TENM2: variants seen among roughly 807,000 people sequenced by gnomAD.
TENM2 encodes teneurin-2.
A neutral mutation model predicts 245.2 loss-of-function variants in TENM2; 52 were observed. That is an observed-to-expected ratio of 0.21 (90% CI 0.17 to 0.27). The LOEUF is 0.27. Among genes scored for constraint, TENM2 ranks in the 10% least tolerant of loss-of-function variants. The pLI, the probability that TENM2 is intolerant of heterozygous loss-of-function variation, is 1.00. For synonymous variants in TENM2, 1,363 were observed against 1,438.9 expected (o/e 0.95, Z 1.19); for missense variants, 3,046 against 3,666.8 (o/e 0.83, Z 4.37).
intron 2 of TENM2, among the ~76,000 whole-genome samples, chr5:167,620,903 A>T (rs1778123466): frequency 6.6e-6 from 1 of 152,170 alleles, no homozygotes; most frequent in African/African-American, 2.4e-5. Flanking sequence ...GTTTCAATTT[A>T]CAACCAGCTC....
At chr5:167,405,023 A>G (rs1762555144) in intron 2 of TENM2, among the ~76,000 whole-genome samples, 1 of 152,170 alleles carries the variant, frequency 6.6e-6, no homozygotes, top group Non-Finnish European at 1.5e-5. Context: ...TTTCATGTCA[A>G]TAGAATCATG....
At chr5:167,471,229 C>T (rs1415234818) in intron 2 of TENM2, among the ~76,000 whole-genome samples, 2 of 152,108 alleles carry the variant, frequency 1.3e-5, no homozygotes, top group East Asian at 3.9e-4. Context: ...CTGTTGTACA[C>T]TGAAGGGAGA....
intron 2 of TENM2, chr5:167,573,885 A>G (rs928121498): frequency 2.0e-5 from 3 of 152,118 alleles, no homozygotes; most frequent in Non-Finnish European, 2.9e-5. Flanking sequence ...TGGAAAAAAA[A>G]AAAAGAAAAG....
chr5:167,210,891 G>C, the TENM2 span, among the ~76,000 whole-genome samples: 2 of 152,094 alleles, frequency 1.3e-5, no homozygotes, highest in Non-Finnish European at 2.9e-5. Flanking sequence ...GGGTACTTTG[G>C]GGGAAAAGAT....
At chr5:167,289,064 C>G (rs147320666) in intron 1 of TENM2, among the ~76,000 whole-genome samples, 10 of 152,304 alleles carry the variant, frequency 6.6e-5, no homozygotes, top group Middle Eastern at 3.4e-3. Flanking sequence ...CCATTCACCT[C>G]CATCTCACAA....
chr5:168,097,911 G>T, intron 8 of TENM2, 115 bp from the exon 11 acceptor site: 1 of 707,522 alleles, frequency 1.4e-6, no homozygotes, highest in South Asian at 1.8e-5. Flanking sequence ...GATCCCCTAT[G>T]ACAGGCATCT....
rs560953564 is a variant in TENM2 at position 167,958,429 on chromosome 5, T to C, written c.947+5607T>C. 2.0e-5 allele frequency among the ~76,000 whole-genome samples: 3 copies of C among 152,358 alleles called. No homozygotes were observed. The East Asian group carries it at 5.8e-4, about 29-fold the overall frequency. On this transcript the variant is annotated intron_variant, in intron 4 of 28. Coordinates refer to ENST00000518659, the Ensembl canonical transcript of TENM2. ...CACACTGATGGGTCTTGACTCTTTA[T>C]CCAATTTGCCAGTCTGTGTCTTTTA...
chr5:167,061,904 C>T, the TENM2 span, among the ~76,000 whole-genome samples: 1 of 150,872 alleles, frequency 6.6e-6, no homozygotes, highest in Non-Finnish European at 1.5e-5. Context: ...AGATAATGAA[C>T]AGCTAAGAAG....
At chr5:167,366,024 TA>T (rs1406087814) in intron 1 of TENM2, among the ~76,000 whole-genome samples, 10 of 151,904 alleles carry the variant, frequency 6.6e-5, no homozygotes, top group Admixed American at 3.9e-4. Context: ...TTTGTATACA[TA>T]AGGGTAGAAA....
chr5:167,561,674 C>T (rs192513780), intron 2 of TENM2, among the ~76,000 whole-genome samples: 9 of 152,230 alleles, frequency 5.9e-5, no homozygotes, highest in Admixed American at 4.6e-4. Flanking sequence ...GGTGAGGAGG[C>T]GAGTGTTAGG....
chr5:167,247,225 C>G, the TENM2 span, among the ~76,000 whole-genome samples: 379 of 152,226 alleles, frequency 2.5e-3, 2 homozygotes, highest in African/African-American at 8.5e-3. Context: ...TAAGGAACTG[C>G]TCAAGGTCAT....
intron 13 of TENM2, among the ~76,000 whole-genome samples, chr5:168,182,551 G>T (rs935098832): frequency 6.6e-6 from 1 of 152,168 alleles, no homozygotes; most frequent in Admixed American, 6.5e-5. Context: ...AGGTTTTAAA[G>T]CCAGACCATT....
the TENM2 span, among the ~76,000 whole-genome samples, chr5:167,154,085 A>T: frequency 6.6e-6 from 1 of 152,158 alleles, no homozygotes; most frequent in Admixed American, 6.5e-5. Flanking sequence ...GGAGATTAAT[A>T]TTTTTGTTTA....
intron 2 of TENM2, among the ~76,000 whole-genome samples, chr5:167,396,321 C>A (rs1762051066): frequency 6.6e-6 from 1 of 151,968 alleles, no homozygotes. Flanking sequence ...CATGGATGAA[C>A]CTTGGGAACA....
At chr5:167,173,337 A>G in the TENM2 span, among the ~76,000 whole-genome samples, 8 of 152,182 alleles carry the variant, frequency 5.3e-5, no homozygotes, top group African/African-American at 1.9e-4. Flanking sequence ...TCAATAGAAT[A>G]CCGACGAGAA....
At chr5:167,064,165 C>T in the TENM2 span, among the ~76,000 whole-genome samples, 6 of 152,232 alleles carry the variant, frequency 3.9e-5, no homozygotes, top group African/African-American at 1.4e-4. Context: ...CCAAGGTAGG[C>T]GGACGGGGGC....
the TENM2 span, among the ~76,000 whole-genome samples, chr5:167,029,861 G>A: frequency 6.6e-6 from 1 of 152,130 alleles, no homozygotes; most frequent in African/African-American, 2.4e-5. Context: ...TTGTGTAAGG[G>A]AATATAAAGT....
intron 2 of TENM2, among the ~76,000 whole-genome samples, chr5:167,495,492 T>C (rs1383971147): frequency 3.9e-5 from 6 of 152,090 alleles, no homozygotes; most frequent in Non-Finnish European, 5.9e-5. Context: ...AGGAGCAAGA[T>C]ACATGATCCA....
At chr5:167,922,434 T>A (rs1005825277) in intron 3 of TENM2, among the ~76,000 whole-genome samples, 1 of 152,162 alleles carries the variant, frequency 6.6e-6, no homozygotes, top group African/African-American at 2.4e-5. Flanking sequence ...TTCAACCATG[T>A]TCCTTTTCTT....
Sources: allele counts gnomAD v4.1 joint callset (sites outside exome capture counted in the v4.1 genomes callset), GRCh38; gene constraint gnomAD v4.1.1; transcripts MANE v1.5; gene names NCBI Gene and HGNC (gene_info 2026-07-23, HGNC 2026-07-21).